The following TP53BP2 variants were observed in gnomAD, a reference collection of about 807,000 sequenced individuals.
TP53BP2 encodes apoptosis-stimulating of p53 protein 2.
TP53BP2 carries 62 observed loss-of-function variants against 126.2 expected under a neutral mutation model. The observed-to-expected ratio is 0.49, with a 90% CI of 0.40 to 0.61. TP53BP2 has a LOEUF of 0.61. TP53BP2 is among the 20% of genes least tolerant of loss of function. TP53BP2 has a pLI of 0.00. For synonymous variants in TP53BP2, 485 were observed against 502.9 expected (o/e 0.96, Z 0.48); for missense variants, 1,215 against 1,402.8 (o/e 0.87, Z 2.14).
chr1:223,796,114 G>C lies in TP53BP2; in HGVS notation c.2425C>G (p.Leu809Val). ...TCTGGGGACAATGATTCAGGAACCA[G>C]AGAGACCACCTCCTTTTCGGGCTCC... Reference protein sequence around the residue: ...HVEPEKEVVSLVPESLSPEDV... With the variant: ...HVEPEKEVVSVVPESLSPEDV... Residue 809 changes from leucine (L) to valine (V), a missense_variant, in exon 13 of 18, where the codon CTG becomes GTG. Transcript: ENST00000343537. This position sits in a 1 kb window ranked among gnomAD's most constrained non-coding sequence, Gnocchi z 4.2. 1.2e-6 allele frequency: 2 copies of C among 1,614,182 alleles called. No individual in the cohort carries two copies. The highest frequency in any genetic ancestry group is 2.2e-5 in the South Asian group (2 of 91,080).
chr1:223,834,896 T>A, intron 1 of TP53BP2: 1 of 983,182 alleles, frequency 1.0e-6, no homozygotes, highest in African/African-American at 1.7e-5. Context: ...GTTGTCTGTA[T>A]CCCTGTCTTA....
chr1:223,782,704 C>T (rs1295586738), intron 17 of TP53BP2, among the ~76,000 whole-genome samples: 2 of 152,146 alleles, frequency 1.3e-5, no homozygotes, highest in African/African-American at 4.8e-5. Flanking sequence ...CCTCCTGCCT[C>T]GGCCTCCCAA....
chr1:223,802,822 GA>G lies in TP53BP2; in HGVS notation c.904del (p.Ser302GlnfsTer13), dbSNP rs1662574683. 1 of 1,614,104 alleles carries G rather than the reference GA, an allele frequency of 6.2e-7. No homozygotes were observed. On this transcript the variant is annotated frameshift_variant, in exon 8 of 18. Coordinates refer to ENST00000343537, the MANE Select transcript of TP53BP2 (RefSeq NM_001031685.3). LOFTEE classifies it high-confidence loss of function. The part of the protein sequence containing the change: ...QQRECLNKRN[S>X]EVAVMDKRVN... ...ACGCTTATCCATGACTGCCACTTCT[GA>G]ATTACGCTTATTCAAACACTCCCTC...
chr1:223,835,595 C>T (rs888136092), intron 1 of TP53BP2, among the ~76,000 whole-genome samples: 3 of 152,170 alleles, frequency 2.0e-5, no homozygotes, highest in Admixed American at 6.5e-5. Context: ...TAACTACAAC[C>T]GATCCATTGC....
At chr1:223,836,169 CA>C (rs960100858) in intron 1 of TP53BP2, among the ~76,000 whole-genome samples, 1 of 152,202 alleles carries the variant, frequency 6.6e-6, no homozygotes, top group African/African-American at 2.4e-5. Context: ...GAATGTGCTG[CA>C]AAAACTTTCA....
chr1:223,824,613 G>A (rs765641267), intron 1 of TP53BP2, among the ~76,000 whole-genome samples: 3 of 151,792 alleles, frequency 2.0e-5, no homozygotes, highest in African/African-American at 4.8e-5. Context: ...ATAGCTACAC[G>A]TTTACCTACG....
At chr1:223,839,608 A>T (rs1363043567) in intron 1 of TP53BP2, among the ~76,000 whole-genome samples, 1 of 152,230 alleles carries the variant, frequency 6.6e-6, no homozygotes, top group Non-Finnish European at 1.5e-5. Flanking sequence ...TAAATAAAGT[A>T]GTATTAAGTT....
chr1:223,795,699 G>T, intron 13 of TP53BP2, 116 bp downstream of exon 13: 3 of 958,690 alleles, frequency 3.1e-6, no homozygotes, highest in Admixed American at 5.3e-5. Flanking sequence ...GATCCACTCT[G>T]TGCCAAGGGA....
chr1:223,794,532 G>C (rs1004726036), intron 13 of TP53BP2, among the ~76,000 whole-genome samples: 2 of 152,120 alleles, frequency 1.3e-5, no homozygotes, highest in South Asian at 2.1e-4. Flanking sequence ...GAGAACAGCA[G>C]AATCTTAAAA....
intron 2 of TP53BP2, among the ~76,000 whole-genome samples, chr1:223,817,909 G>A (rs1213032109): frequency 4.1e-5 from 6 of 144,896 alleles, no homozygotes; most frequent in South Asian, 2.1e-4. Context: ...CTGGGCAACA[G>A]AGTGAGACTC....
intron 1 of TP53BP2, among the ~76,000 whole-genome samples, chr1:223,839,491 C>T (rs1664034573): frequency 6.6e-6 from 1 of 152,140 alleles, no homozygotes; most frequent in Non-Finnish European, 1.5e-5. Context: ...TTTTTTATTA[C>T]CACAAGTAGT....
intron 17 of TP53BP2, 134 bp downstream of exon 17, chr1:223,783,981 A>G: frequency 1.3e-6 from 1 of 784,910 alleles, no homozygotes; most frequent in East Asian, 2.5e-5. Flanking sequence ...TAAGTCTAAG[A>G]CTATCAAAAT....
intron 1 of TP53BP2, among the ~76,000 whole-genome samples, chr1:223,822,646 G>A (rs1331096658): frequency 6.6e-6 from 1 of 150,782 alleles, no homozygotes; most frequent in Admixed American, 6.6e-5. Flanking sequence ...TCCAGCCTGG[G>A]TGAGACCCTG....
At chr1:223,814,643 T>C (rs1316999958) in intron 2 of TP53BP2, among the ~76,000 whole-genome samples, 2 of 152,198 alleles carry the variant, frequency 1.3e-5, no homozygotes, top group South Asian at 2.1e-4. Context: ...AGGTGCACCA[T>C]TTAACTTCTG....
rs1299056948 is a variant in TP53BP2 at position 223,804,300 on chromosome 1, G to C, written c.523C>G (p.Gln175Glu). 3 of 1,613,808 alleles carry C rather than the reference G, an allele frequency of 1.9e-6. No homozygotes were observed. The highest frequency in any genetic ancestry group is 1.3e-5 in the African/African-American group (1 of 74,876). The part of the protein sequence containing the change: ...LKQQDQRQQQ[Q>E]VAEQEKLKRL... ...TTAAGTTTCTCCTGCTCAGCAACTT[G>C]TTGCTGTTGTCGCTGATCTTGTTGT... Residue 175 changes from glutamine to glutamate, a missense_variant, in exon 6 of 18, where the codon CAA becomes GAA. This residue lies in a region of TP53BP2 where 814 missense variants were observed against 853.0 expected (regional missense o/e 0.95). Coordinates refer to ENST00000343537, the MANE Select transcript of TP53BP2 (RefSeq NM_001031685.3).
rs375052395 is a variant in TP53BP2 at position 223,789,086 on chromosome 1, A to G, written c.3085T>C (p.Tyr1029His). ...TCTGCAGCAGTCTGCATGTCACTGTAGGTCATGGCAAACACAGCGGCTCCT... is the reference window on the plus strand; with the variant it reads ...TCTGCAGCAGTCTGCATGTCACTGTGGGTCATGGCAAACACAGCGGCTCCT... ...ESGAAVFAMT[Y>H]SDMQTAADKC... is the part of the protein sequence containing the mutation. The change falls in exon 16 of 18, where the codon TAC (tyrosine) becomes CAC (histidine). Residue 1029 changes from tyrosine (Y) to histidine (H), a missense_variant. Around this residue, in one of 4 missense-constraint regions of TP53BP2, gnomAD observed 151 missense variants for 231.2 expected, o/e 0.65. Transcript: ENST00000343537. 10 of 1,614,066 alleles carry G rather than the reference A, an allele frequency of 6.2e-6. No individual in the cohort carries two copies. In the African/African-American group the frequency reaches 1.2e-4, roughly 19 times the overall value.
Position 223,806,926 on chromosome 1 carries a change from G to A in TP53BP2, c.394C>T (p.Leu132=). 3 of 1,613,872 alleles carry A rather than the reference G, an allele frequency of 1.9e-6. No individual in the cohort carries two copies. The highest frequency in any genetic ancestry group is 2.5e-6 in the Non-Finnish European group (3 of 1,179,848). ...ENGVNSPRMD[L]TLAELQEMAS... ...ATTTCCTGAAGTTCAGCAAGAGTCA[G>A]ATCCATCCTAGGACTATTAACCTAC... The change falls in exon 5 of 18, where the codon CTG becomes TTG. Residue 132 remains leucine (L), a synonymous_variant. Coordinates refer to ENST00000343537, the MANE Select transcript of TP53BP2 (RefSeq NM_001031685.3).
At chr1:223,812,798 G>A (rs1459555531) in intron 3 of TP53BP2, among the ~76,000 whole-genome samples, 1 of 152,126 alleles carries the variant, frequency 6.6e-6, no homozygotes, top group Non-Finnish European at 1.5e-5. Flanking sequence ...TCCTGACTTC[G>A]TGATCCTCCC....
intron 1 of TP53BP2, among the ~76,000 whole-genome samples, chr1:223,839,548 C>T (rs1376985441): frequency 1.3e-5 from 2 of 152,230 alleles, no homozygotes; most frequent in African/African-American, 4.8e-5. Flanking sequence ...TTTTCTACCA[C>T]TTTTCTATGC....
Sources: allele counts gnomAD v4.1 joint callset (sites outside exome capture counted in the v4.1 genomes callset), GRCh38; gene constraint gnomAD v4.1.1; regional missense constraint gnomAD v4.1.1; non-coding constraint Gnocchi (gnomAD v3.1); transcripts MANE v1.5; gene names NCBI Gene and HGNC (gene_info 2026-07-23, HGNC 2026-07-21).